Variants in ABTB3 observed in about 807,000 individuals in gnomAD.
ABTB3 encodes the protein ankyrin repeat and BTB domain containing 3.
chr12:107,538,077 C>T, the ABTB3 span, among the ~76,000 whole-genome samples: 13 of 152,266 alleles, frequency 8.5e-5, no homozygotes, highest in East Asian at 1.7e-3. Flanking sequence ...CTATGCCCAC[C>T]GAGAATGCCA....
chr12:107,551,046 C>T, the ABTB3 span, among the ~76,000 whole-genome samples: 7 of 152,166 alleles, frequency 4.6e-5, no homozygotes, highest in Non-Finnish European at 8.8e-5. Flanking sequence ...TGGTCTAACA[C>T]CCTGGAAGCC....
chr12:107,552,473 G>A, the ABTB3 span, among the ~76,000 whole-genome samples: 29 of 152,250 alleles, frequency 1.9e-4, no homozygotes, highest in African/African-American at 2.9e-4. Flanking sequence ...AGTTTTCTGC[G>A]TACATACAAC....
chr12:107,610,461 G>C, the ABTB3 span: 1 of 1,359,144 alleles, frequency 7.4e-7, no homozygotes, highest in Non-Finnish European at 1.0e-6. Context: ...CTGGGCAGAG[G>C]CTCCCCCTAC....
At chr12:107,337,453 T>C in the ABTB3 span, among the ~76,000 whole-genome samples, 1 of 152,228 alleles carries the variant, frequency 6.6e-6, no homozygotes, top group Non-Finnish European at 1.5e-5. Flanking sequence ...TTCACACCAC[T>C]TCCTACTTAT....
the ABTB3 span, among the ~76,000 whole-genome samples, chr12:107,503,839 A>C: frequency 1.3e-5 from 2 of 151,084 alleles, no homozygotes; most frequent in African/African-American, 4.9e-5. Context: ...GGTGGAGAGG[A>C]GGGAAGAAAA....
chr12:107,462,516 G>A, the ABTB3 span, among the ~76,000 whole-genome samples: 1 of 152,210 alleles, frequency 6.6e-6, no homozygotes, highest in Admixed American at 6.5e-5. Context: ...CACTACTGAT[G>A]ATGGTGGTGA....
the ABTB3 span, among the ~76,000 whole-genome samples, chr12:107,625,707 G>A: frequency 6.6e-6 from 1 of 152,030 alleles, no homozygotes. Context: ...GGGAGTGGGA[G>A]GGATGCCTCA....
At chr12:107,353,906 A>G in the ABTB3 span, among the ~76,000 whole-genome samples, 2 of 151,710 alleles carry the variant, frequency 1.3e-5, no homozygotes, top group African/African-American at 2.4e-5. Flanking sequence ...CCCCTCGTCC[A>G]TGGAAAATTG....
the ABTB3 span, among the ~76,000 whole-genome samples, chr12:107,608,937 TAAA>T: frequency 3.5e-5 from 3 of 85,504 alleles, no homozygotes; most frequent in Non-Finnish European, 6.5e-5. Context: ...TAAAATAAAA[TAAA>T]ATAAATAAAA....
At chr12:107,576,987 C>A in the ABTB3 span, among the ~76,000 whole-genome samples, 1 of 152,324 alleles carries the variant, frequency 6.6e-6, no homozygotes, top group East Asian at 1.9e-4. Context: ...GCCCCAGCAA[C>A]TGGCTTTTCC....
chr12:107,502,067 CTT>C, the ABTB3 span, among the ~76,000 whole-genome samples: 41 of 140,420 alleles, frequency 2.9e-4, no homozygotes, highest in Non-Finnish European at 3.0e-4. Flanking sequence ...GGCATTGGTA[CTT>C]TTTTTTTTTT....
chr12:107,558,940 C>T, the ABTB3 span, among the ~76,000 whole-genome samples: 2 of 63,732 alleles, frequency 3.1e-5, no homozygotes, highest in South Asian at 4.4e-4. Context: ...CTCTTGCCCA[C>T]CCCCCGTGGG....
the ABTB3 span, among the ~76,000 whole-genome samples, chr12:107,377,680 C>T: frequency 2.0e-5 from 3 of 152,270 alleles, no homozygotes; most frequent in South Asian, 4.1e-4. Flanking sequence ...TGTAAACATA[C>T]ACCATGGTCA....
chr12:107,393,679 C>T, the ABTB3 span, among the ~76,000 whole-genome samples: 2 of 152,082 alleles, frequency 1.3e-5, no homozygotes, highest in African/African-American at 2.4e-5. Flanking sequence ...GCCTGTAATC[C>T]CAGCGCTTTG....
the ABTB3 span, chr12:107,657,360 A>G: frequency 1.4e-6 from 1 of 699,318 alleles, no homozygotes; most frequent in Non-Finnish European, 2.5e-6. Context: ...CCGCAAAGTC[A>G]TACCCCATGG....
chr12:107,515,755 A>G, the ABTB3 span, among the ~76,000 whole-genome samples: 2 of 152,236 alleles, frequency 1.3e-5, no homozygotes, highest in African/African-American at 4.8e-5. Context: ...ATTTCTGGGA[A>G]GGTCTTTTCT....
chr12:107,364,365 T>A, the ABTB3 span, among the ~76,000 whole-genome samples: 22 of 151,966 alleles, frequency 1.4e-4, no homozygotes, highest in Non-Finnish European at 2.8e-4. Flanking sequence ...CTCAGCTCAC[T>A]GCAACCTCTG....
At chr12:107,417,500 G>T in the ABTB3 span, among the ~76,000 whole-genome samples, 3 of 152,252 alleles carry the variant, frequency 2.0e-5, no homozygotes, top group East Asian at 5.8e-4. Context: ...CAAGATCCTT[G>T]ACTACATCTC....
At chr12:107,318,784 A>G in the ABTB3 span, 4 of 797,522 alleles carry the variant, frequency 5.0e-6, no homozygotes, top group Non-Finnish European at 7.7e-6. Flanking sequence ...CAGTTCCGGG[A>G]GGCAGCCGAA....
Sources: allele counts gnomAD v4.1 joint callset (sites outside exome capture counted in the v4.1 genomes callset), GRCh38; gene constraint gnomAD v4.1.1; transcripts MANE v1.5; gene names NCBI Gene and HGNC (gene_info 2026-07-23, HGNC 2026-07-21).